The following ZDHHC18 variants were observed in gnomAD, a reference collection of about 807,000 sequenced individuals.
ZDHHC18 encodes palmitoyltransferase ZDHHC18.
In ZDHHC18, 23 loss-of-function variants were observed where a neutral mutation model predicts 37.5. The ratio of observed to expected loss-of-function variants is 0.61; its 90% CI spans 0.44 to 0.87. The LOEUF is 0.87. ZDHHC18 is among the 40% of genes least tolerant of loss of function. The pLI, the probability that ZDHHC18 is intolerant of heterozygous loss-of-function variation, is 0.00. For missense variants in ZDHHC18, 406 were observed against 525.6 expected, an observed-to-expected ratio of 0.77 and a Z score of 2.22; for synonymous variants, 185 against 218.7, an observed-to-expected ratio of 0.85 and a Z score of 1.36.
At chr1:26,838,080 T>C (rs1419727840) in intron 2 of ZDHHC18, among the ~76,000 whole-genome samples, 4 of 150,176 alleles carry the variant, frequency 2.7e-5, no homozygotes, top group Non-Finnish European at 5.9e-5. Flanking sequence ...CACCACAACC[T>C]CTGCCTCTCG....
Position 26,853,908 on chromosome 1 carries a change from C to T in ZDHHC18, c.*65C>T. On this transcript the variant is annotated 3_prime_UTR_variant, in exon 8 of 8. Transcript: ENST00000374142. ...CTCCGCACTCACCTGCCGGGACCCT[C>T]CCTATTCCATCCAAGGGAAGCAGAA... 7.2e-7 allele frequency: 1 copy of T among 1,396,980 alleles called. No homozygotes were observed. Among genetic ancestry groups the T allele is most frequent in the South Asian group, 1.2e-5 (1 of 85,536 alleles). 86.5% of individuals were successfully genotyped at this position (1,396,980 alleles called of 1,614,324 possible).
At chr1:26,840,642 G>A (rs2081634192) in intron 2 of ZDHHC18, among the ~76,000 whole-genome samples, 1 of 151,960 alleles carries the variant, frequency 6.6e-6, no homozygotes, top group African/African-American at 2.4e-5. Context: ...GGGTTTCAGT[G>A]TGTTGGCCAG....
At chr1:26,838,273 G>A (rs2081622640) in intron 2 of ZDHHC18, among the ~76,000 whole-genome samples, 2 of 152,070 alleles carry the variant, frequency 1.3e-5, no homozygotes, top group African/African-American at 4.8e-5. Flanking sequence ...GGAATTACAG[G>A]TGTGAGCCAC....
intron 2 of ZDHHC18, among the ~76,000 whole-genome samples, chr1:26,839,376 AAAT>A (rs2081627518): frequency 6.6e-6 from 1 of 152,162 alleles, no homozygotes; most frequent in African/African-American, 2.4e-5. Flanking sequence ...TTTCTACAAC[AAAT>A]ATTTTTTGAA....
intron 2 of ZDHHC18, among the ~76,000 whole-genome samples, chr1:26,837,931 C>T (rs1045761334): frequency 3.9e-5 from 6 of 152,122 alleles, no homozygotes; most frequent in African/African-American, 1.4e-4. Flanking sequence ...GCTGTCCCCG[C>T]CTGCCGTGGT....
chr1:26,852,390 G>A (rs1052446676), intron 6 of ZDHHC18, among the ~76,000 whole-genome samples: 1 of 152,214 alleles, frequency 6.6e-6, no homozygotes, highest in Admixed American at 6.5e-5. Context: ...GCGAAGTGGT[G>A]ATCTGTCCAG....
At chr1:26,839,538 A>C (rs926321128) in intron 2 of ZDHHC18, among the ~76,000 whole-genome samples, 1 of 152,144 alleles carries the variant, frequency 6.6e-6, no homozygotes, top group African/African-American at 2.4e-5. Context: ...AGAGTGAACA[A>C]ATGAGTGCCC....
intron 6 of ZDHHC18, among the ~76,000 whole-genome samples, chr1:26,851,736 G>A (rs1013963324): frequency 6.6e-6 from 1 of 152,200 alleles, no homozygotes; most frequent in African/African-American, 2.4e-5. Flanking sequence ...CACTGCCCCT[G>A]TCAGCAGCAA....
chr1:26,837,999 CTT>C (rs879927496), intron 2 of ZDHHC18, among the ~76,000 whole-genome samples: 28 of 140,360 alleles, frequency 2.0e-4, no homozygotes, highest in Non-Finnish European at 2.5e-4. Flanking sequence ...TTGTTGCTTG[CTT>C]TTTTTTTTTT....
intron 1 of ZDHHC18, among the ~76,000 whole-genome samples, chr1:26,827,749 C>T (rs1374405623): frequency 6.6e-6 from 1 of 152,152 alleles, no homozygotes; most frequent in Non-Finnish European, 1.5e-5. Context: ...CCACGCACAC[C>T]CTAGGCCCCA....
Position 26,849,653 on chromosome 1 carries a change from C to G in ZDHHC18, c.647-648C>G, listed in dbSNP as rs572528318. ...ACCAGTCTGGGTGTGCCTCCACCCCCGGGGACAGTGTGCAGGTGAGCTCAG... is the reference window on the plus strand; with the variant it reads ...ACCAGTCTGGGTGTGCCTCCACCCCGGGGGACAGTGTGCAGGTGAGCTCAG... On this transcript the variant is annotated intron_variant, in intron 3 of 7. Coordinates refer to ENST00000374142, the MANE Select transcript of ZDHHC18 (RefSeq NM_032283.3). Among the ~76,000 whole-genome samples the G allele has an allele frequency of 4.6e-5, 7 of 152,346 alleles. No homozygotes were observed. In the South Asian group the frequency reaches 1.2e-3, roughly 27 times the overall value.
At chr1:26,832,685 CT>C in intron 2 of ZDHHC18, 78 bp downstream of exon 2, 5 of 1,543,024 alleles carry the variant, frequency 3.2e-6, no homozygotes, top group Non-Finnish European at 4.4e-6. Context: ...CTGGTTTTCT[CT>C]TCCAAAACTA....
chr1:26,837,999 CT>C (rs879927496), intron 2 of ZDHHC18, among the ~76,000 whole-genome samples: 640 of 140,034 alleles, frequency 4.6e-3, no homozygotes, highest in Admixed American at 4.8e-3. Flanking sequence ...TTGTTGCTTG[CT>C]TTTTTTTTTT....
Position 26,826,740 on chromosome 1 carries a change from C to T in ZDHHC18, c.-65C>T. 18 of 836,800 alleles carry T rather than the reference C, an allele frequency of 2.2e-5. No individual in the cohort carries two copies. Among genetic ancestry groups the T allele is most frequent in the Non-Finnish European group, 2.6e-5 (18 of 696,730 alleles). 51.8% of individuals were successfully genotyped at this position (836,800 alleles called of 1,614,324 possible). A position where few individuals can be genotyped will look rare whatever the true frequency, so the allele number is the denominator to read the frequency against. On this transcript the variant is annotated 5_prime_UTR_variant, in exon 1 of 8. Transcript: ENST00000374142. This position sits in a 1 kb window ranked among gnomAD's most constrained non-coding sequence, Gnocchi z 5.2. The stretch of plus-strand genomic sequence containing the variant: ...CGCCGCCGCTGCCACCTCCGCTGCT[C>T]GGCCCGGTCCCGGAGTGGCCCGGCC...
Position 26,851,538 on chromosome 1 carries a change from G to A in ZDHHC18, c.936+307G>A, listed in dbSNP as rs909690146. ...CATGATGTTTGGCTGGCACATGACC[G>A]CTTACAGAATTCTTTCAGTTCCCGT... is the stretch of plus-strand genomic sequence containing the variant. On this transcript the variant is annotated intron_variant, in intron 6 of 7. Coordinates refer to ENST00000374142, the MANE Select transcript of ZDHHC18 (RefSeq NM_032283.3). Among the ~76,000 whole-genome samples, 15 of 152,316 alleles carry A rather than the reference G, an allele frequency of 9.8e-5. No homozygotes were observed. In the South Asian group the frequency reaches 2.3e-3, roughly 23 times the overall value.
Position 26,856,319 on chromosome 1 carries a change from C to A in ZDHHC18, c.*2476C>A. On this transcript the variant is annotated 3_prime_UTR_variant, in exon 8 of 8. Coordinates refer to ENST00000374142, the MANE Select transcript of ZDHHC18 (RefSeq NM_032283.3). This position sits in a 1 kb window ranked among gnomAD's most constrained non-coding sequence, Gnocchi z 5.2. ...TGCCCGCTCCCCTCACACACCATCT[C>A]ATCCTCATCGCATGCCTCGCCAACC... 2.4e-6 allele frequency: 1 copy of A among 411,140 alleles called. No individual in the cohort carries two copies. The highest frequency in any genetic ancestry group is 1.6e-5 in the South Asian group (1 of 61,446). The allele number at this position is 411,140 out of a possible 1,614,324, so 25.5% of individuals were successfully genotyped here. A position where few individuals can be genotyped will look rare whatever the true frequency, so the allele number is the denominator to read the frequency against.
Position 26,826,885 on chromosome 1 carries a change from C to T in ZDHHC18, c.81C>T (p.Pro27=). 2 of 981,394 alleles carry T rather than the reference C, an allele frequency of 2.0e-6. No homozygotes were observed. The highest frequency in any genetic ancestry group is 2.4e-6 in the Non-Finnish European group (2 of 828,640). The allele number at this position is 981,394 out of a possible 1,614,324, so 60.8% of individuals were successfully genotyped here. The change falls in exon 1 of 8, where the codon CCC becomes CCT. Residue 27 remains proline, a synonymous_variant. Transcript: ENST00000374142. This position sits in a 1 kb window ranked among gnomAD's most constrained non-coding sequence, Gnocchi z 5.2. Reference sequence around the variant, plus strand: ...CCCCGGGGGCGCGCCGTCCCGGCCCCGCCGCGTCCCCGACTCCGGGCCCCG... The same window carrying T: ...CCCCGGGGGCGCGCCGTCCCGGCCCTGCCGCGTCCCCGACTCCGGGCCCCG... ...PASPGARRPG[P]AASPTPGPGP...
intron 2 of ZDHHC18, among the ~76,000 whole-genome samples, chr1:26,836,676 C>A (rs1309627657): frequency 6.7e-6 from 1 of 149,538 alleles, no homozygotes; most frequent in African/African-American, 2.5e-5. Context: ...TCATGCCATT[C>A]TCCTGCCTCA....
intron 2 of ZDHHC18, among the ~76,000 whole-genome samples, chr1:26,848,313 A>G (rs1471000794): frequency 2.0e-5 from 3 of 151,604 alleles, no homozygotes; most frequent in Non-Finnish European, 4.4e-5. Flanking sequence ...ACTCTGCCTC[A>G]GGAAAAAAAA....
Sources: allele counts gnomAD v4.1 joint callset (sites outside exome capture counted in the v4.1 genomes callset), GRCh38; gene constraint gnomAD v4.1.1; non-coding constraint Gnocchi (gnomAD v3.1); transcripts MANE v1.5; gene names NCBI Gene and HGNC (gene_info 2026-07-23, HGNC 2026-07-21).